The following PSME4 variants were observed in gnomAD, a reference collection of about 807,000 sequenced individuals.
The protein encoded by PSME4 is proteasome activator complex subunit 4.
Under a neutral mutation model 253.9 loss-of-function variants are expected in PSME4, and 89 were observed. That is an observed-to-expected ratio of 0.35 (90% confidence interval 0.30 to 0.42). The LOEUF (loss-of-function observed/expected upper bound fraction) is 0.42, where lower values mean the gene tolerates loss of function less well. Among genes scored for constraint, PSME4 ranks in the 10% least tolerant of loss-of-function variants. The pLI is 1.00. For synonymous variants in PSME4, 851 were observed against 759.2 expected (o/e 1.12, Z -1.99); for missense variants, 2,014 against 2,195.2 (o/e 0.92, Z 1.65).
intron 7 of PSME4, among the ~76,000 whole-genome samples, chr2:53,935,567 G>A (rs1449529569): frequency 1.3e-5 from 2 of 152,120 alleles, no homozygotes; most frequent in African/African-American, 4.8e-5. Context: ...CTAAAAAGTG[G>A]GCAGCACTGT....
At chr2:53,924,555 T>C (rs1668470320) in intron 14 of PSME4, among the ~76,000 whole-genome samples, 1 of 152,198 alleles carries the variant, frequency 6.6e-6, no homozygotes. Context: ...GGGAGTGATG[T>C]CATAAGCAAT....
chr2:53,946,072 AG>A (rs1238022639), intron 3 of PSME4, among the ~76,000 whole-genome samples: 4 of 152,240 alleles, frequency 2.6e-5, no homozygotes, highest in Non-Finnish European at 5.9e-5. Context: ...ATAATCAATA[AG>A]CACTGACTGA....
chr2:53,958,413 AC>A (rs1235952558), intron 1 of PSME4, among the ~76,000 whole-genome samples: 3 of 152,122 alleles, frequency 2.0e-5, no homozygotes, highest in South Asian at 2.1e-4. Flanking sequence ...CACAAAAAAA[AC>A]CTCACTTATT....
chr2:53,912,512 C>T (rs1406378001), intron 20 of PSME4, among the ~76,000 whole-genome samples: 6 of 152,206 alleles, frequency 3.9e-5, no homozygotes, highest in African/African-American at 1.4e-4. Flanking sequence ...GGCTGCAGTG[C>T]AATGGTACGA....
Position 53,892,804 on chromosome 2 carries a change from T to G in PSME4, c.4191+4A>C. 1 of 1,608,862 alleles carries G rather than the reference T, an allele frequency of 6.2e-7. No individual in the cohort carries two copies. Among genetic ancestry groups the G allele is most frequent in the African/African-American group, 1.3e-5 (1 of 74,840 alleles). ...AATGTTCTGTACAAATATTAATACA[T>G]CACCTTTTCAAATGTCCAGTGCTTA... is the stretch of plus-strand genomic sequence containing the variant. On this transcript the variant is annotated splice_donor_region_variant and intron_variant, in intron 36 of 46. Coordinates refer to ENST00000404125, the MANE Select transcript of PSME4 (RefSeq NM_014614.3).
intron 1 of PSME4, among the ~76,000 whole-genome samples, chr2:53,966,952 C>A (rs1480075375): frequency 6.6e-6 from 1 of 152,148 alleles, no homozygotes; most frequent in African/African-American, 2.4e-5. Flanking sequence ...TCTGCCTCGG[C>A]CTCCCAAAGT....
intron 14 of PSME4, 113 bp from the exon 15 acceptor site, chr2:53,923,532 G>C: frequency 7.7e-7 from 1 of 1,304,426 alleles, no homozygotes; most frequent in Non-Finnish European, 1.0e-6. Context: ...AAGCCCATAG[G>C]CAATTTTTAA....
chr2:53,928,190 C>T lies in PSME4; in HGVS notation c.1430G>A (p.Gly477Asp). The T allele has an allele frequency of 6.2e-7, 1 of 1,614,100 alleles. No individual in the cohort carries two copies. Among genetic ancestry groups the T allele is most frequent in the Non-Finnish European group, 8.5e-7 (1 of 1,180,010 alleles). ...LVSGGRWFPE[G>D]PTHMLPLLMR... ...CAACAGAGGTAGCATATGTGTAGGA[C>T]CTTCAGGAAACCATCTGCCTCCTGA... The change falls in exon 11 of 47, where the codon GGT (glycine) becomes GAT (aspartate). Residue 477 changes from glycine (G) to aspartate (D), a missense_variant. By Grantham distance (94) the Gly-to-Asp change is moderately conservative. Coordinates refer to ENST00000404125, the MANE Select transcript of PSME4 (RefSeq NM_014614.3).
chr2:53,906,743 A>G (rs1680677168), intron 25 of PSME4, 50 bp from the exon 26 acceptor site: 1 of 1,600,244 alleles, frequency 6.2e-7, no homozygotes, highest in African/African-American at 1.3e-5. Context: ...TGAAAACAAA[A>G]CTAAATACTC....
chr2:53,876,105 C>G (rs1248913944), intron 41 of PSME4, among the ~76,000 whole-genome samples: 1 of 152,150 alleles, frequency 6.6e-6, no homozygotes, highest in Admixed American at 6.5e-5. Flanking sequence ...AACTTCGTTA[C>G]AGTTATAATA....
intron 43 of PSME4, among the ~76,000 whole-genome samples, chr2:53,873,939 T>C (rs1558643130): frequency 6.7e-6 from 1 of 150,096 alleles, no homozygotes. Context: ...ATTACTCACA[T>C]AGGGCTATGT....
At chr2:53,914,693 C>A (rs143307941) in intron 20 of PSME4, among the ~76,000 whole-genome samples, 11,325 of 152,032 alleles carry the variant, frequency 0.074, 624 homozygotes, top group East Asian at 0.26. Context: ...CCAGCCCAGC[C>A]AAGATGGTGA....
intron 1 of PSME4, among the ~76,000 whole-genome samples, chr2:53,969,158 A>C (rs2104496551): frequency 6.6e-6 from 1 of 152,218 alleles, no homozygotes; most frequent in East Asian, 1.9e-4. Context: ...TTCTTTTTTG[A>C]CTAAACGTGG....
intron 1 of PSME4, among the ~76,000 whole-genome samples, chr2:53,950,296 AAAG>A (rs1358856762): frequency 1.3e-5 from 2 of 151,964 alleles, no homozygotes; most frequent in Non-Finnish European, 2.9e-5. Flanking sequence ...AAAAAAAAAA[AAAG>A]GAGATTGCCA....
At chr2:53,866,395 C>T (rs933965087) in intron 45 of PSME4, among the ~76,000 whole-genome samples, 172 bp from the exon 46 acceptor site, 1 of 152,180 alleles carries the variant, frequency 6.6e-6, no homozygotes, top group Non-Finnish European at 1.5e-5. Context: ...TTTTGAGTTA[C>T]TAAAAATGCC....
chr2:53,895,137 T>A, intron 33 of PSME4, 61 bp from the exon 34 acceptor site: 1 of 1,427,302 alleles, frequency 7.0e-7, no homozygotes, highest in Non-Finnish European at 9.6e-7. Flanking sequence ...GCTTCATGGA[T>A]AGAAAGCATT....
intron 1 of PSME4, among the ~76,000 whole-genome samples, chr2:53,953,057 T>C (rs910100538): frequency 2.6e-5 from 4 of 152,170 alleles, no homozygotes; most frequent in African/African-American, 9.6e-5. Context: ...CTGGAAAGCC[T>C]AGGGCTGCTG....
chr2:53,901,575 T>A lies in PSME4; in HGVS notation c.3076-16A>T, dbSNP rs780115046. ...ACAAGGCACCCTGCAGAAAAAAAAA[T>A]ATATATATGTTTACATGGGAAATAA... On this transcript the variant is annotated splice_polypyrimidine_tract_variant and intron_variant, in intron 27 of 46. Coordinates refer to ENST00000404125, the MANE Select transcript of PSME4 (RefSeq NM_014614.3). The A allele has an allele frequency of 8.5e-5, 131 of 1,542,106 alleles. 1 individual carries two copies. The highest frequency in any genetic ancestry group is 3.8e-4 in the African/African-American group (28 of 73,356).
chr2:53,944,839 A>G (rs1339975030), intron 3 of PSME4, among the ~76,000 whole-genome samples: 2 of 152,242 alleles, frequency 1.3e-5, no homozygotes, highest in Non-Finnish European at 2.9e-5. Context: ...TAATAAATCA[A>G]TAGAGAAACA....
Sources: gnomAD v4.1 joint callset for allele counts (sites outside exome capture counted in the v4.1 genomes callset) on GRCh38, gnomAD v4.1.1 for gene constraint, MANE v1.5 for transcripts, NCBI Gene and HGNC (gene_info 2026-07-23, HGNC 2026-07-21) for gene names.